ARHGAP32: variants seen among roughly 807,000 people sequenced by gnomAD.
The protein encoded by ARHGAP32 is Rho GTPase activating protein 32, also known as rho GTPase-activating protein 32.
Under a neutral mutation model 186.5 loss-of-function variants are expected in ARHGAP32, and 51 were observed. The ratio of observed to expected loss-of-function variants is 0.27; its 90% CI spans 0.22 to 0.35. ARHGAP32 has a LOEUF of 0.35. Among genes scored for constraint, ARHGAP32 ranks in the 10% least tolerant of loss-of-function variants. The pLI is 1.00. For missense variants in ARHGAP32, 2,186 were observed against 2,623.5 expected (o/e 0.83, Z 3.64); for synonymous variants, 950 against 964.3 (o/e 0.99, Z 0.27).
chr11:129,209,321 G>A (rs1944551498), intron 1 of ARHGAP32, among the ~76,000 whole-genome samples: 1 of 151,922 alleles, frequency 6.6e-6, no homozygotes, highest in South Asian at 2.1e-4. Flanking sequence ...GTTAGAGAGA[G>A]GCAAGAGAGG....
At chr11:129,266,139 A>C (rs1945397029) in intron 1 of ARHGAP32, among the ~76,000 whole-genome samples, 1 of 152,206 alleles carries the variant, frequency 6.6e-6, no homozygotes. Flanking sequence ...AAAAAGGTAC[A>C]CGGAACACAA....
At position 129,123,790 on chromosome 11, in the gene ARHGAP32, T is replaced by C. The variant is rs1942591930; in HGVS notation, c.359+98A>G. 3.8e-6 allele frequency: 4 copies of C among 1,051,280 alleles called. No individual in the cohort carries two copies. Among genetic ancestry groups the C allele is most frequent in the African/African-American group, 1.6e-5 (1 of 61,432 alleles). 65.1% of individuals were successfully genotyped at this position (1,051,280 alleles called of 1,614,324 possible). A position where few individuals can be genotyped will look rare whatever the true frequency, so the allele number is the denominator to read the frequency against. On this transcript the variant is annotated intron_variant, in intron 4 of 22. Coordinates refer to ENST00000682385, the MANE Select transcript of ARHGAP32 (RefSeq NM_001378024.1). The surrounding 1 kb of genome is among the most constrained non-coding windows in gnomAD (Gnocchi z 4.6). ...TAATTTTGACCCGAATCAATGTCCA[T>C]AGAAAAACTGCTATTTTCGGCAAAT...
At chr11:129,060,760 T>C (rs1271214606) in intron 10 of ARHGAP32, among the ~76,000 whole-genome samples, 3 of 152,090 alleles carry the variant, frequency 2.0e-5, no homozygotes, top group South Asian at 2.1e-4. Context: ...ATTAAACTTG[T>C]AAAATAAAAA....
chr11:129,254,500 C>A (rs1945228721), intron 1 of ARHGAP32, among the ~76,000 whole-genome samples: 1 of 152,050 alleles, frequency 6.6e-6, no homozygotes, highest in Non-Finnish European at 1.5e-5. Context: ...TTTCCTCCAA[C>A]AGAAGCAATG....
At chr11:129,237,704 A>G (rs1464920481) in intron 1 of ARHGAP32, among the ~76,000 whole-genome samples, 5 of 152,200 alleles carry the variant, frequency 3.3e-5, no homozygotes, top group African/African-American at 9.7e-5. Flanking sequence ...ACAAAGTGAT[A>G]GGAGAAAAGG....
chr11:129,012,789 T>G (rs147913344), intron 11 of ARHGAP32, among the ~76,000 whole-genome samples: 98 of 152,366 alleles, frequency 6.4e-4, no homozygotes, highest in Non-Finnish European at 1.2e-3. Flanking sequence ...TCTGCCATAT[T>G]GAACTAGGCT....
At chr11:129,278,083 A>G (rs1232589495) in intron 1 of ARHGAP32, among the ~76,000 whole-genome samples, 2 of 152,256 alleles carry the variant, frequency 1.3e-5, no homozygotes, top group African/African-American at 4.8e-5. Flanking sequence ...CAATAGAAAT[A>G]CAAACATAGA....
At chr11:128,972,279 G>A in intron 22 of ARHGAP32, 174 bp downstream of exon 22, 1 of 564,040 alleles carries the variant, frequency 1.8e-6, no homozygotes, top group Admixed American at 3.5e-5. Context: ...GGAAAAGCCA[G>A]CATCAAGGTA....
At chr11:129,088,997 A>G (rs911685005) in intron 6 of ARHGAP32, among the ~76,000 whole-genome samples, 67 of 34,820 alleles carry the variant, frequency 1.9e-3, no homozygotes, top group Middle Eastern at 0.021. Context: ...GACCTTGTCA[A>G]AAAAAAAAAA....
rs1396656308 is a variant in ARHGAP32 at position 128,972,701 on chromosome 11, T to C, written c.3805A>G (p.Asn1269Asp). ...IYPPSGSPEE[N>D]TSTATMTYMT... ...TAAGTCATGGTGGCTGTGCTGGTAT[T>C]CTCTTCGGGGGACCCAGAAGGAGGG... Residue 1269 changes from asparagine (N) to aspartate (D), a missense_variant, in exon 22 of 23, where the codon AAT becomes GAT. By Grantham distance (23) the Asn-to-Asp change is conservative (BLOSUM62 1). Coordinates refer to ENST00000682385, the MANE Select transcript of ARHGAP32 (RefSeq NM_001378024.1). 2 of 1,613,918 alleles carry C rather than the reference T, an allele frequency of 1.2e-6. No homozygotes were observed. Among genetic ancestry groups the C allele is most frequent in the Non-Finnish European group, 8.5e-7 (1 of 1,180,002 alleles).
chr11:128,988,007 C>T lies in ARHGAP32; in HGVS notation c.1298+16G>A, dbSNP rs1284653777. On this transcript the variant is annotated intron_variant, in intron 13 of 22. Coordinates refer to ENST00000682385, the MANE Select transcript of ARHGAP32 (RefSeq NM_001378024.1). Reference sequence around the variant, plus strand: ...TTAGTTAAGAAGGAGTGAAAAAGTGCCATATAAGATTTTACCGTAGTCTCT... The same window carrying T: ...TTAGTTAAGAAGGAGTGAAAAAGTGTCATATAAGATTTTACCGTAGTCTCT... The T allele has an allele frequency of 3.2e-6, 5 of 1,564,286 alleles. No individual in the cohort carries two copies. Among genetic ancestry groups the T allele is most frequent in the Middle Eastern group, 1.7e-4 (1 of 5,950 alleles).
rs774115431 is a variant in ARHGAP32, at chr11:128,972,751, G to A, written c.3755C>T (p.Pro1252Leu). The change falls in exon 22 of 23, where the codon CCT becomes CTT. Residue 1252 changes from proline (P) to leucine (L), a missense_variant. Around this residue, in one of 5 missense-constraint regions of ARHGAP32, gnomAD observed 1,502 missense variants for 1,570.0 expected, o/e 0.96. Coordinates refer to ENST00000682385, the MANE Select transcript of ARHGAP32 (RefSeq NM_001378024.1). ...GTAGATTTTATCGCTAGGTAAATTA[G>A]GAGGTGTGGGAGATTTGTCTGCAAA... Reference protein sequence around the residue: ...LEFADKSPTPPNLPSDKIYPP... With the variant: ...LEFADKSPTPLNLPSDKIYPP... 2 of 1,613,916 alleles carry A rather than the reference G, an allele frequency of 1.2e-6. No homozygotes were observed. Among genetic ancestry groups the A allele is most frequent in the South Asian group, 1.1e-5 (1 of 91,080 alleles).
chr11:129,004,583 T>C (rs1937663750), intron 11 of ARHGAP32, among the ~76,000 whole-genome samples: 1 of 152,164 alleles, frequency 6.6e-6, no homozygotes. Context: ...AGTTGTTATA[T>C]CTTTTGGCTA....
chr11:129,242,656 T>C (rs1475681077), intron 1 of ARHGAP32, among the ~76,000 whole-genome samples: 1 of 148,298 alleles, frequency 6.7e-6, no homozygotes, highest in East Asian at 2.0e-4. Flanking sequence ...AGGTGGAGCT[T>C]GCAGTGAGCC....
chr11:129,159,149 G>C (rs554153948), intron 2 of ARHGAP32, among the ~76,000 whole-genome samples: 1 of 152,234 alleles, frequency 6.6e-6, no homozygotes, highest in South Asian at 2.1e-4. Context: ...AAAAGAACTA[G>C]AGAAGCAAGA....
chr11:128,989,515 T>TACACACACACACAC (rs1555065707), intron 12 of ARHGAP32, among the ~76,000 whole-genome samples: 1 of 87,184 alleles, frequency 1.1e-5, no homozygotes, highest in Non-Finnish European at 2.2e-5. Context: ...TGTTTTTTAT[T>TACACACACACACAC]TCACACACAC....
rs756585974 is a variant in ARHGAP32, at chr11:129,063,989, C to T, written c.798G>A (p.Glu266=). The T allele has an allele frequency of 6.2e-7, 1 of 1,611,932 alleles. No individual in the cohort carries two copies. The highest frequency in any genetic ancestry group is 8.5e-7 in the Non-Finnish European group (1 of 1,178,968). ...DNKGNHLLVH[E]ESSINTPAVG... ...CAGCAGGAGTGTTGATGGATGACTC[C>T]TCATGAACCAAAAGGTGATTTCCCT... Residue 266 remains glutamate (E), a synonymous_variant, in exon 9 of 23, where the codon GAG becomes GAA. Coordinates refer to ENST00000682385, the MANE Select transcript of ARHGAP32 (RefSeq NM_001378024.1).
At chr11:129,187,895 A>G (rs576720833) in intron 1 of ARHGAP32, among the ~76,000 whole-genome samples, 1 of 152,136 alleles carries the variant, frequency 6.6e-6, no homozygotes, top group South Asian at 2.1e-4. Context: ...TATGGTATTT[A>G]TGGACATACA....
chr11:128,971,254 G>T, intron 22 of ARHGAP32, 95 bp from the exon 23 acceptor site: 1 of 1,126,310 alleles, frequency 8.9e-7, no homozygotes, highest in Non-Finnish European at 1.2e-6. Flanking sequence ...GGCTGGTTGG[G>T]TAGCAGCTTG....
Sources: gnomAD v4.1 joint callset for allele counts (sites outside exome capture counted in the v4.1 genomes callset) on GRCh38, gnomAD v4.1.1 for gene constraint, gnomAD v4.1.1 regional missense constraint, Gnocchi (gnomAD v3.1) non-coding constraint, MANE v1.5 for transcripts, NCBI Gene and HGNC (gene_info 2026-07-23, HGNC 2026-07-21) for gene names.